The following OLIG2 variants were observed in gnomAD, a reference collection of about 807,000 sequenced individuals.
OLIG2 encodes oligodendrocyte transcription factor 2.
In OLIG2, 12 loss-of-function variants were observed where a neutral mutation model predicts 13.4. That is an observed-to-expected ratio of 0.90 (90% CI 0.58 to 1.46). The LOEUF (loss-of-function observed/expected upper bound fraction) is 1.46, where lower values mean the gene tolerates loss of function less well. OLIG2 is among the 40% of genes most tolerant of loss of function. OLIG2 has a pLI of 0.00. For missense variants in OLIG2, 415 were observed against 487.9 expected (o/e 0.85, Z 1.41); for synonymous variants, 250 against 233.6 (o/e 1.07, Z -0.64).
Position 33,027,021 on chromosome 21 carries a change from C to A in OLIG2, c.159C>A (p.Ala53=). The A allele has an allele frequency of 2.5e-6, 4 of 1,611,990 alleles. No homozygotes were observed. Among genetic ancestry groups the A allele is most frequent in the Non-Finnish European group, 3.4e-6 (4 of 1,179,240 alleles). The part of the protein sequence containing the change: ...TPSDCPPELS[A]ELRGAMGSAG... The stretch of plus-strand genomic sequence containing the variant: ...GTGACTGCCCGCCGGAGCTGAGCGC[C>A]GAGCTGCGCGGCGCTATGGGCTCTG... The change falls in exon 2 of 2, where the codon GCC becomes GCA. Residue 53 remains alanine, a synonymous_variant. Transcript: ENST00000382357.
chr21:33,026,829 G>T lies in OLIG2; in HGVS notation c.-34G>T. 6.2e-7 allele frequency: 1 copy of T among 1,601,192 alleles called. No homozygotes were observed. Among genetic ancestry groups the T allele is most frequent in the Non-Finnish European group, 8.5e-7 (1 of 1,177,830 alleles). On this transcript the variant is annotated 5_prime_UTR_variant, in exon 2 of 2. Transcript: ENST00000382357. This position sits in a 1 kb window ranked among gnomAD's most constrained non-coding sequence, Gnocchi z 6.6. ...TCGGGTCCGAGGGAAGGAGGACCCT[G>T]CGAAAGCTGCGACGACTATCTTCCC... is the stretch of plus-strand genomic sequence containing the variant.
Position 33,027,561 on chromosome 21 carries a change from T to C in OLIG2, c.699T>C (p.Ala233=), listed in dbSNP as rs1211727723. The change falls in exon 2 of 2, where the codon GCT becomes GCC. Residue 233 remains alanine, a synonymous_variant. Coordinates refer to ENST00000382357, the MANE Select transcript of OLIG2 (RefSeq NM_005806.4). The part of the protein sequence containing the change: ...PPAAAAAAAA[A]AAAAVSSASL... The stretch of plus-strand genomic sequence containing the variant: ...CCGCCGCAGCGGCTGCTGCCGCCGC[T>C]GCAGCCGCGGCTGTGTCCAGCGCCT... 1.4e-6 allele frequency: 2 copies of C among 1,476,112 alleles called. No homozygotes were observed. Among genetic ancestry groups the C allele is most frequent in the Admixed American group, 2.3e-5 (1 of 43,266 alleles). The allele number at this position is 1,476,112 out of a possible 1,614,324, so 91.4% of individuals were successfully genotyped here. A position where few individuals can be genotyped will look rare whatever the true frequency, so the allele number is the denominator to read the frequency against.
rs1471536642 is a variant in OLIG2 at position 33,026,740 on chromosome 21, C to T, written c.-62-61C>T. On this transcript the variant is annotated intron_variant, in intron 1 of 1. Coordinates refer to ENST00000382357, the MANE Select transcript of OLIG2 (RefSeq NM_005806.4). The surrounding 1 kb of genome is among the most constrained non-coding windows in gnomAD (Gnocchi z 6.6). Reference sequence around the variant, plus strand: ...CTTTTCTGTCTCTCACTGACTCACTCTCTCTCTCTCTCCCTCTCTCTCTCT... The same window carrying T: ...CTTTTCTGTCTCTCACTGACTCACTTTCTCTCTCTCTCCCTCTCTCTCTCT... 3 of 1,252,890 alleles carry T rather than the reference C, an allele frequency of 2.4e-6. No homozygotes were observed. The highest frequency in any genetic ancestry group is 3.3e-6 in the Non-Finnish European group (3 of 921,480). 77.6% of individuals were successfully genotyped at this position (1,252,890 alleles called of 1,614,324 possible). A position where few individuals can be genotyped will look rare whatever the true frequency, so the allele number is the denominator to read the frequency against.
At position 33,027,937 on chromosome 21, in the gene OLIG2, G is replaced by A. The variant is rs868450134; in HGVS notation, c.*103G>A. 5.0e-4 allele frequency: 625 copies of A among 1,247,950 alleles called. 3 individuals carry two copies. The highest frequency in any genetic ancestry group is 4.8e-3 in the Middle Eastern group (16 of 3,360). The allele number at this position is 1,247,950 out of a possible 1,614,324, so 77.3% of individuals were successfully genotyped here. ...CGGGAGCTCTGTCGCGAGGAGGGGC[G>A]CAGGACCATGGACTGGGGGTGGGGC... On this transcript the variant is annotated 3_prime_UTR_variant, in exon 2 of 2. Coordinates refer to ENST00000382357, the MANE Select transcript of OLIG2 (RefSeq NM_005806.4).
Position 33,027,559 on chromosome 21 carries a change from G to A in OLIG2, c.697G>A (p.Ala233Thr), listed in dbSNP as rs1981144012. 1.4e-6 allele frequency: 2 copies of A among 1,474,934 alleles called. No individual in the cohort carries two copies. Among genetic ancestry groups the A allele is most frequent in the South Asian group, 1.3e-5 (1 of 78,406 alleles). The allele number at this position is 1,474,934 out of a possible 1,614,324, so 91.4% of individuals were successfully genotyped here. The change falls in exon 2 of 2, where the codon GCT (alanine) becomes ACT (threonine). Residue 233 changes from alanine to threonine, a missense_variant. This residue lies in a region of OLIG2 where 243 missense variants were observed against 241.2 expected (regional missense o/e 1.01). Coordinates refer to ENST00000382357, the MANE Select transcript of OLIG2 (RefSeq NM_005806.4). ...CGCCGCCGCAGCGGCTGCTGCCGCC[G>A]CTGCAGCCGCGGCTGTGTCCAGCGC... The part of the protein sequence containing the change: ...PPAAAAAAAA[A>T]AAAAVSSASL...
At position 33,028,235 on chromosome 21, in the gene OLIG2, C is replaced by G; in HGVS notation, c.*401C>G. The G allele has an allele frequency of 3.0e-5, 7 of 235,228 alleles. No homozygotes were observed. Among genetic ancestry groups the G allele is most frequent in the Non-Finnish European group, 5.3e-5 (6 of 112,838 alleles). The allele number at this position is 235,228 out of a possible 1,614,324, so 14.6% of individuals were successfully genotyped here. On this transcript the variant is annotated 3_prime_UTR_variant, in exon 2 of 2. Coordinates refer to ENST00000382357, the MANE Select transcript of OLIG2 (RefSeq NM_005806.4). ...TGCAGACTCGGCTTGGGCAGCACTT[C>G]GGGGGGGGAGGGGGTGTTATGGGAG... is the stretch of plus-strand genomic sequence containing the variant.
Position 33,028,198 on chromosome 21 carries a change from C to T in OLIG2, c.*364C>T. 1 of 261,236 alleles carries T rather than the reference C, an allele frequency of 3.8e-6. No homozygotes were observed. 16.2% of individuals were successfully genotyped at this position (261,236 alleles called of 1,614,324 possible). ...TTCTAAAAACTTCTTTCCCTGAGAG[C>T]GTGGCCTGACTTGCAGACTCGGCTT... On this transcript the variant is annotated 3_prime_UTR_variant, in exon 2 of 2. Transcript: ENST00000382357.
chr21:33,028,890 C>A lies in OLIG2; in HGVS notation c.*1056C>A. On this transcript the variant is annotated 3_prime_UTR_variant, in exon 2 of 2. Coordinates refer to ENST00000382357, the MANE Select transcript of OLIG2 (RefSeq NM_005806.4). The stretch of plus-strand genomic sequence containing the variant: ...TGTTTGCTCACGTGACTGCCAGCCC[C>A]ATCGGAGTCTAAGCCGGCTTTCCTC... The A allele has an allele frequency of 8.2e-6, 2 of 242,474 alleles. No individual in the cohort carries two copies. Among genetic ancestry groups the A allele is most frequent in the Non-Finnish European group, 1.7e-5 (2 of 114,540 alleles). 15.0% of individuals were successfully genotyped at this position (242,474 alleles called of 1,614,324 possible).
chr21:33,027,683 G>A lies in OLIG2; in HGVS notation c.821G>A (p.Gly274Asp), dbSNP rs1473597577. The A allele has an allele frequency of 7.3e-7, 1 of 1,371,472 alleles. No individual in the cohort carries two copies. Among genetic ancestry groups the A allele is most frequent in the Non-Finnish European group, 9.3e-7 (1 of 1,070,954 alleles). 85.0% of individuals were successfully genotyped at this position (1,371,472 alleles called of 1,614,324 possible). A position where few individuals can be genotyped will look rare whatever the true frequency, so the allele number is the denominator to read the frequency against. The change falls in exon 2 of 2, where the codon GGC (glycine) becomes GAC (aspartate). Residue 274 changes from glycine (G) to aspartate (D), a missense_variant. By Grantham distance (94) the Gly-to-Asp change is moderately conservative. This residue lies in a region of OLIG2 where 243 missense variants were observed against 241.2 expected (regional missense o/e 1.01). Coordinates refer to ENST00000382357, the MANE Select transcript of OLIG2 (RefSeq NM_005806.4). ...GCTGCCGCGGCCGCCCCGCTGGGGG[G>A]CGGGGGCGGCGGCAGTGGGGCGAGC... ...PSAAAAAPLGGGGGGSGASGG... is the reference protein window; with the variant it reads ...PSAAAAAPLGDGGGGSGASGG...
chr21:33,027,866 G>A lies in OLIG2; in HGVS notation c.*32G>A. 24 of 1,362,564 alleles carry A rather than the reference G, an allele frequency of 1.8e-5. No individual in the cohort carries two copies. Among genetic ancestry groups the A allele is most frequent in the Non-Finnish European group, 2.3e-5 (24 of 1,063,898 alleles). 84.4% of individuals were successfully genotyped at this position (1,362,564 alleles called of 1,614,324 possible). ...TGGCGCCGGCGCGTTCTGGCGACAG[G>A]GGAGCCAGGGGCCGCGGGGAAGCGA... On this transcript the variant is annotated 3_prime_UTR_variant, in exon 2 of 2. Transcript: ENST00000382357.
rs1278687760 is a variant in OLIG2, at chr21:33,027,747, C to T, written c.885C>T (p.Cys295=). 2 of 1,393,414 alleles carry T rather than the reference C, an allele frequency of 1.4e-6. No individual in the cohort carries two copies. Among genetic ancestry groups the T allele is most frequent in the Non-Finnish European group, 1.9e-6 (2 of 1,080,006 alleles). The allele number at this position is 1,393,414 out of a possible 1,614,324, so 86.3% of individuals were successfully genotyped here. A position where few individuals can be genotyped will look rare whatever the true frequency, so the allele number is the denominator to read the frequency against. ...FQHWGGMPCP[C]SMCQVPPPHH... is the part of the protein sequence containing the mutation. ...ACTGGGGCGGCATGCCCTGCCCCTG[C>T]AGCATGTGCCAGGTGCCGCCGCCGC... Residue 295 remains cysteine, a synonymous_variant, in exon 2 of 2, where the codon TGC becomes TGT. Transcript: ENST00000382357.
rs2123266979 is a variant in OLIG2, at chr21:33,026,766, C to G, written c.-62-35C>G. 5 of 1,439,374 alleles carry G rather than the reference C, an allele frequency of 3.5e-6. No homozygotes were observed. Among genetic ancestry groups the G allele is most frequent in the African/African-American group, 2.8e-5 (2 of 71,110 alleles). The allele number at this position is 1,439,374 out of a possible 1,614,324, so 89.2% of individuals were successfully genotyped here. ...TCTCTCTCTCTCCCTCTCTCTCTCT[C>G]TCATTCTCTCTCTTTTCTCCTCCTC... On this transcript the variant is annotated intron_variant, in intron 1 of 1. Transcript: ENST00000382357. This position sits in a 1 kb window ranked among gnomAD's most constrained non-coding sequence, Gnocchi z 6.6.
Position 33,026,738 on chromosome 21 carries a change from C to A in OLIG2, c.-62-63C>A. On this transcript the variant is annotated intron_variant, in intron 1 of 1. Coordinates refer to ENST00000382357, the MANE Select transcript of OLIG2 (RefSeq NM_005806.4). This position sits in a 1 kb window ranked among gnomAD's most constrained non-coding sequence, Gnocchi z 6.6. The stretch of plus-strand genomic sequence containing the variant: ...AGCTTTTCTGTCTCTCACTGACTCA[C>A]TCTCTCTCTCTCTCCCTCTCTCTCT... 1.1e-6 allele frequency: 1 copy of A among 900,842 alleles called. No homozygotes were observed. The highest frequency in any genetic ancestry group is 1.5e-6 in the Non-Finnish European group (1 of 665,516). The allele number at this position is 900,842 out of a possible 1,614,324, so 55.8% of individuals were successfully genotyped here.
At position 33,026,706 on chromosome 21, in the gene OLIG2, C is replaced by A; in HGVS notation, c.-62-95C>A. The stretch of plus-strand genomic sequence containing the variant: ...CCGCGCTGTGGTACTGCGGTGCAGG[C>A]GGGAGCAGCTTTTCTGTCTCTCACT... On this transcript the variant is annotated intron_variant, in intron 1 of 1. Coordinates refer to ENST00000382357, the MANE Select transcript of OLIG2 (RefSeq NM_005806.4). The surrounding 1 kb of genome is among the most constrained non-coding windows in gnomAD (Gnocchi z 6.6). The A allele has an allele frequency of 2.1e-6, 2 of 941,568 alleles. No homozygotes were observed. Among genetic ancestry groups the A allele is most frequent in the Non-Finnish European group, 3.1e-6 (2 of 645,500 alleles). 58.3% of individuals were successfully genotyped at this position (941,568 alleles called of 1,614,324 possible). A position where few individuals can be genotyped will look rare whatever the true frequency, so the allele number is the denominator to read the frequency against.
In OLIG2 at chr21:33,027,327, G is replaced by A. The variant is rs533301958; in HGVS notation, c.465G>A (p.Ala155=). Residue 155 remains alanine, a synonymous_variant, in exon 2 of 2, where the codon GCG becomes GCA. Coordinates refer to ENST00000382357, the MANE Select transcript of OLIG2 (RefSeq NM_005806.4). ...CCAAGATCGCCACGCTGCTGCTGGC[G>A]CGCAACTACATCCTCATGCTCACCA... The part of the protein sequence containing the change: ...KLSKIATLLL[A]RNYILMLTNS... 32 of 1,586,648 alleles carry A rather than the reference G, an allele frequency of 2.0e-5. No homozygotes were observed. The highest frequency in any genetic ancestry group is 1.3e-5 in the African/African-American group (1 of 74,414).
chr21:33,027,876 G>A lies in OLIG2; in HGVS notation c.*42G>A, dbSNP rs1167953472. ...GCGTTCTGGCGACAGGGGAGCCAGG[G>A]GCCGCGGGGAAGCGAGGACTGGCCT... is the stretch of plus-strand genomic sequence containing the variant. On this transcript the variant is annotated 3_prime_UTR_variant, in exon 2 of 2. Coordinates refer to ENST00000382357, the MANE Select transcript of OLIG2 (RefSeq NM_005806.4). The A allele has an allele frequency of 7.4e-7, 1 of 1,358,112 alleles. No homozygotes were observed. Among genetic ancestry groups the A allele is most frequent in the Non-Finnish European group, 9.4e-7 (1 of 1,060,766 alleles). 84.1% of individuals were successfully genotyped at this position (1,358,112 alleles called of 1,614,324 possible). A position where few individuals can be genotyped will look rare whatever the true frequency, so the allele number is the denominator to read the frequency against.
Position 33,027,918 on chromosome 21 carries a change from C to G in OLIG2, c.*84C>G. ...GACTGGCCTGCGCTGGGCTCGGGAG[C>G]TCTGTCGCGAGGAGGGGCGCAGGAC... On this transcript the variant is annotated 3_prime_UTR_variant, in exon 2 of 2. Transcript: ENST00000382357. 7.7e-7 allele frequency: 1 copy of G among 1,306,600 alleles called. No homozygotes were observed. The highest frequency in any genetic ancestry group is 9.8e-7 in the Non-Finnish European group (1 of 1,020,432). 80.9% of individuals were successfully genotyped at this position (1,306,600 alleles called of 1,614,324 possible). A position where few individuals can be genotyped will look rare whatever the true frequency, so the allele number is the denominator to read the frequency against.
Position 33,028,866 on chromosome 21 carries a change from G to A in OLIG2, c.*1032G>A, listed in dbSNP as rs577966797. The A allele has an allele frequency of 8.2e-6, 2 of 242,772 alleles. No individual in the cohort carries two copies. Among genetic ancestry groups the A allele is most frequent in the Admixed American group, 5.7e-5 (1 of 17,590 alleles). 15.0% of individuals were successfully genotyped at this position (242,772 alleles called of 1,614,324 possible). A position where few individuals can be genotyped will look rare whatever the true frequency, so the allele number is the denominator to read the frequency against. ...TGAGGTAAGTGCGCAATGCTAAGCT[G>A]TTTGCTCACGTGACTGCCAGCCCCA... On this transcript the variant is annotated 3_prime_UTR_variant, in exon 2 of 2. Transcript: ENST00000382357.
chr21:33,026,881 C>G lies in OLIG2; in HGVS notation c.19C>G (p.Leu7Val). ...TGGGGCCATGGACTCGGACGCCAGC[C>G]TGGTGTCCAGCCGCCCGTCGTCGCC... MDSDAS[L>V]VSSRPSSPEP... The change falls in exon 2 of 2, where the codon CTG becomes GTG. Residue 7 changes from leucine to valine, a missense_variant. Physicochemically the swap from Leu to Val is conservative, Grantham distance 32. Around this residue, in one of 3 missense-constraint regions of OLIG2, gnomAD observed 122 missense variants for 126.8 expected, o/e 0.96. Transcript: ENST00000382357. This position sits in a 1 kb window ranked among gnomAD's most constrained non-coding sequence, Gnocchi z 6.6. 1 of 1,610,526 alleles carries G rather than the reference C, an allele frequency of 6.2e-7. No homozygotes were observed. Among genetic ancestry groups the G allele is most frequent in the African/African-American group, 1.3e-5 (1 of 75,042 alleles).
Sources: gnomAD v4.1 joint callset for allele counts on GRCh38, gnomAD v4.1.1 for gene constraint, gnomAD v4.1.1 regional missense constraint, Gnocchi (gnomAD v3.1) non-coding constraint, MANE v1.5 for transcripts, NCBI Gene and HGNC (gene_info 2026-07-23, HGNC 2026-07-21) for gene names.